Variants in FAM153A observed in about 807,000 individuals in gnomAD.
FAM153A encodes family with sequence similarity 153 member A.
Under a neutral mutation model 48.1 loss-of-function variants are expected in FAM153A, and 12 were observed. The ratio of observed to expected loss-of-function variants is 0.25; its 90% CI spans 0.16 to 0.40. The LOEUF (loss-of-function observed/expected upper bound fraction) is 0.40, where lower values mean the gene tolerates loss of function less well. FAM153A is among the 10% of genes least tolerant of loss of function. The probability of loss-of-function intolerance (pLI) is 1.00; values close to 1 mark genes in which losing one functional copy is unlikely to be tolerated. For missense variants in FAM153A, 111 were observed against 345.8 expected, an observed-to-expected ratio of 0.32 and a Z score of 5.38; for synonymous variants, 36 against 118.2, an observed-to-expected ratio of 0.30 and a Z score of 4.51.
downstream of FAM153A, among the ~76,000 whole-genome samples, chr5:177,706,276 A>C: frequency 6.6e-6 from 1 of 151,618 alleles, no homozygotes; most frequent in Non-Finnish European, 1.5e-5. Context: ...GGCTCACTGC[A>C]ACCTCCACCT....
At chr5:177,705,951 C>A (rs1207058672), downstream of FAM153A, among the ~76,000 whole-genome samples, 3 of 151,656 alleles carry the variant, frequency 2.0e-5, no homozygotes, top group African/African-American at 7.3e-5. Flanking sequence ...AGCCACCGCG[C>A]CCAGCCTAGA....
At chr5:177,745,777 C>T (rs1203587678) in intron 4 of FAM153A, among the ~76,000 whole-genome samples, 1 of 150,964 alleles carries the variant, frequency 6.6e-6, no homozygotes, top group Admixed American at 6.6e-5. Flanking sequence ...TAGAGTATGT[C>T]ACTGATTATT....
At position 177,760,234 on chromosome 5, in the gene FAM153A, C is replaced by CTTTTTTTT. The variant is rs1337707844; in HGVS notation, c.-56-11536_-56-11535insAAAAAAAA. On this transcript the variant is annotated intron_variant, in intron 1 of 8. Coordinates refer to the FAM153A transcript ENST00000393518. ...TCTCTTAATGCCAAATTGGGAAAGA[C>CTTTTTTTT]CTTTTTTTTTTTTTTTTTTTGAGAT... Among the ~76,000 whole-genome samples, 13 of 96,854 alleles carry CTTTTTTTT rather than the reference C, an allele frequency of 1.3e-4. 3 individuals carry two copies. The highest frequency in any genetic ancestry group is 3.6e-4 in the South Asian group (1 of 2,764). 63.5% of individuals were successfully genotyped at this position (96,854 alleles called of 152,430 possible). A position where few individuals can be genotyped will look rare whatever the true frequency, so the allele number is the denominator to read the frequency against.
chr5:177,755,218 T>G (rs1356653577), upstream of FAM153A, among the ~76,000 whole-genome samples: 3 of 151,806 alleles, frequency 2.0e-5, no homozygotes, highest in African/African-American at 4.9e-5. Flanking sequence ...TTCGATCAAC[T>G]AGAAGAAAGG....
intron 1 of FAM153A, among the ~76,000 whole-genome samples, chr5:177,758,525 C>T (rs1434239420): frequency 7.4e-6 from 1 of 135,526 alleles, no homozygotes; most frequent in African/African-American, 2.6e-5. Context: ...CAAGTCAATC[C>T]TAAGCCAAAA....
chr5:177,733,091 T>A (rs4046433), intron 14 of FAM153A, among the ~76,000 whole-genome samples: 2 of 118,858 alleles, frequency 1.7e-5, no homozygotes, highest in Non-Finnish European at 3.5e-5. Flanking sequence ...CAGGTGGGGG[T>A]GCTGAACCTC....
At chr5:177,708,565 G>T (rs554929455), downstream of FAM153A, among the ~76,000 whole-genome samples, 3 of 151,774 alleles carry the variant, frequency 2.0e-5, no homozygotes, top group Non-Finnish European at 2.9e-5. Flanking sequence ...CAACAAGAGC[G>T]AAACTCAGTC....
chr5:177,701,449 C>A, the FAM153A span, among the ~76,000 whole-genome samples: 2 of 151,734 alleles, frequency 1.3e-5, no homozygotes, highest in African/African-American at 4.9e-5. Flanking sequence ...CCTATAATCC[C>A]AGCTACTTGG....
the FAM153A span, among the ~76,000 whole-genome samples, chr5:177,696,753 A>G: frequency 6.6e-6 from 1 of 151,276 alleles, no homozygotes; most frequent in Non-Finnish European, 1.5e-5. Context: ...TACAGCCTTG[A>G]AGTCCTGGGC....
intron 16 of FAM153A, among the ~76,000 whole-genome samples, chr5:177,730,630 A>G (rs1763651217): frequency 1.6e-5 from 2 of 126,390 alleles, no homozygotes; most frequent in Non-Finnish European, 3.6e-5. Flanking sequence ...ATTCTCCCAC[A>G]TGCACACAGA....
At chr5:177,755,008 A>G (rs1767561072), upstream of FAM153A, among the ~76,000 whole-genome samples, 1 of 151,968 alleles carries the variant, frequency 6.6e-6, no homozygotes, top group Non-Finnish European at 1.5e-5. Context: ...ACGAGTAGAG[A>G]AGAAGGATTC....
rs1369440794 is a variant in FAM153A, at chr5:177,715,339, A to G, written c.*1222+1006T>C. Among the ~76,000 whole-genome samples, 4 of 148,444 alleles carry G rather than the reference A, an allele frequency of 2.7e-5. No individual in the cohort carries two copies. In the Admixed American group the frequency reaches 2.7e-4, roughly 10 times the overall value. ...CAAGAAAGATGTAAATTTGCTTAAT[A>G]TGCAGCTTCTGTTTCTGAGTTCTGT... On this transcript the variant is annotated intron_variant and NMD_transcript_variant, in intron 25 of 26. Transcript: ENST00000360669.
the FAM153A span, among the ~76,000 whole-genome samples, chr5:177,698,040 T>C: frequency 6.6e-6 from 1 of 151,162 alleles, no homozygotes. Context: ...AGCAATTGTG[T>C]TCCTGAGGTA....
chr5:177,739,667 T>C lies in FAM153A; in HGVS notation c.470A>G (p.His157Arg), dbSNP rs755226559. ...ATGTTCTGCTATAAACTCCTCTAGA[T>C]GATCTAGGAGAAATAGGGTAAGTGT... Residue 157 changes from histidine (H) to arginine (R), a missense_variant, in exon 9 of 21, where the codon CAT (histidine) becomes CGT (arginine). This residue lies in a region of FAM153A where 57 missense variants were observed against 104.0 expected (regional missense o/e 0.55). Transcript: ENST00000614127. The C allele has an allele frequency of 9.9e-6, 5 of 504,104 alleles. No individual in the cohort carries two copies. The African/African-American group carries it at 2.2e-4, about 22-fold the overall frequency. 31.2% of individuals were successfully genotyped at this position (504,104 alleles called of 1,614,324 possible). A position where few individuals can be genotyped will look rare whatever the true frequency, so the allele number is the denominator to read the frequency against.
chr5:177,716,539 A>G (rs1297325155), intron 24 of FAM153A: 1 of 151,866 alleles, frequency 6.6e-6, no homozygotes. Context: ...CAGCATGCCT[A>G]TCAGCGAGAA....
At chr5:177,706,792 C>CA (rs1481045985), downstream of FAM153A, 2 of 151,782 alleles carry the variant, frequency 1.3e-5, no homozygotes, top group African/African-American at 4.9e-5. Flanking sequence ...TCTGAAGATT[C>CA]AAAGAGGTGC....
chr5:177,729,289 T>C lies in FAM153A; in HGVS notation c.933+196A>G, dbSNP rs866658647. ...GAATTTCTCTTAAGGAAAATGCCTGTTGACACACAGTTTGTAAGTGTGGAT... is the reference window on the plus strand; with the variant it reads ...GAATTTCTCTTAAGGAAAATGCCTGCTGACACACAGTTTGTAAGTGTGGAT... On this transcript the variant is annotated intron_variant, in intron 17 of 20. Coordinates refer to ENST00000614127, the Ensembl canonical transcript of FAM153A. Among the ~76,000 whole-genome samples, 20 of 120,510 alleles carry C rather than the reference T, an allele frequency of 1.7e-4. 2 individuals carry two copies. The highest frequency in any genetic ancestry group is 6.1e-4 in the Admixed American group (7 of 11,404). The allele number at this position is 120,510 out of a possible 152,430, so 79.1% of individuals were successfully genotyped here. A position where few individuals can be genotyped will look rare whatever the true frequency, so the allele number is the denominator to read the frequency against.
the FAM153A span, among the ~76,000 whole-genome samples, chr5:177,702,607 G>C: frequency 6.6e-6 from 1 of 151,774 alleles, no homozygotes; most frequent in South Asian, 2.1e-4. Flanking sequence ...CCTTCACCAT[G>C]GCCCCTCCCA....
At chr5:177,705,658 C>CTTTTTTTTT (rs70994931), downstream of FAM153A, among the ~76,000 whole-genome samples, 7 of 79,838 alleles carry the variant, frequency 8.8e-5, no homozygotes, top group African/African-American at 2.8e-4. Flanking sequence ...TTTTCTTTTT[C>CTTTTTTTTT]TTTTTTTTTT....
Sources: gnomAD v4.1 joint callset for allele counts (sites outside exome capture counted in the v4.1 genomes callset) on GRCh38, gnomAD v4.1.1 for gene constraint, gnomAD v4.1.1 regional missense constraint, MANE v1.5 for transcripts, NCBI Gene and HGNC (gene_info 2026-07-23, HGNC 2026-07-21) for gene names.